SRFBP1: variants seen among roughly 807,000 people sequenced by gnomAD.
The protein encoded by SRFBP1 is serum response factor binding protein 1, also known as serum response factor-binding protein 1.
Under a neutral mutation model 45.5 loss-of-function variants are expected in SRFBP1, and 47 were observed. The observed-to-expected ratio is 1.03, with a 90% CI of 0.82 to 1.32. SRFBP1 has a LOEUF of 1.32. SRFBP1 is among the 40% of genes most tolerant of loss of function. SRFBP1 has a pLI of 0.00. For synonymous variants in SRFBP1, 203 were observed against 166.3 expected (o/e 1.22, Z -1.70); for missense variants, 621 against 484.6 (o/e 1.28, Z -2.64).
intron 4 of SRFBP1, among the ~76,000 whole-genome samples, chr5:122,003,347 A>G (rs1039852753): frequency 1.3e-4 from 15 of 111,400 alleles, no homozygotes; most frequent in African/African-American, 8.1e-4. Flanking sequence ...TGTCTCAGAG[A>G]AAAAAAAAAA....
intron 2 of SRFBP1, among the ~76,000 whole-genome samples, chr5:122,034,572 AT>A (rs1357114367): frequency 6.6e-6 from 1 of 151,414 alleles, no homozygotes; most frequent in African/African-American, 2.4e-5. Flanking sequence ...TTCTCTTCCT[AT>A]TTTTAGTTGC....
chr5:121,967,475 G>C (rs1046813156), intron 1 of SRFBP1, among the ~76,000 whole-genome samples: 4 of 152,080 alleles, frequency 2.6e-5, no homozygotes, highest in Non-Finnish European at 5.9e-5. Flanking sequence ...TTGCTCATCA[G>C]AAATAAAAAG....
chr5:122,034,305 ATATT>A lies in SRFBP1; in HGVS notation n.311+11903_311+11906del, dbSNP rs1452037891. Reference sequence around the variant, plus strand: ...CAGATTATTTTATGCTGTAATTATTATATTTATTACATTTAGTCTGTTTTTCGTT... The same window carrying A: ...CAGATTATTTTATGCTGTAATTATTATATTACATTTAGTCTGTTTTTCGTT... On this transcript the variant is annotated intron_variant and non_coding_transcript_variant, in intron 2 of 2. Transcript: ENST00000504881. 2.0e-5 allele frequency among the ~76,000 whole-genome samples: 3 copies of A among 150,612 alleles called. No individual in the cohort carries two copies. In the East Asian group the frequency reaches 6.4e-4, roughly 32 times the overall value.
At chr5:121,981,357 G>A (rs1183891621) in intron 3 of SRFBP1, among the ~76,000 whole-genome samples, 1 of 151,938 alleles carries the variant, frequency 6.6e-6, no homozygotes, top group Non-Finnish European at 1.5e-5. Context: ...AAATGAGCAC[G>A]TTTAAAAACA....
intron 4 of SRFBP1, among the ~76,000 whole-genome samples, chr5:122,009,629 A>G (rs1190170596): frequency 6.6e-6 from 1 of 152,168 alleles, no homozygotes; most frequent in Non-Finnish European, 1.5e-5. Flanking sequence ...GAGTAGGGTG[A>G]CCACAAATAG....
At chr5:121,967,428 G>C (rs1410218217) in intron 1 of SRFBP1, among the ~76,000 whole-genome samples, 1 of 152,122 alleles carries the variant, frequency 6.6e-6, no homozygotes, top group Non-Finnish European at 1.5e-5. Context: ...TTAAATCGTA[G>C]ATAATCACTA....
At chr5:122,068,463 T>C (rs1385001578) in intron 2 of SRFBP1, among the ~76,000 whole-genome samples, 1 of 152,138 alleles carries the variant, frequency 6.6e-6, no homozygotes, top group African/African-American at 2.4e-5. Flanking sequence ...TCATGAAACT[T>C]CTCATATTGT....
intron 4 of SRFBP1, among the ~76,000 whole-genome samples, chr5:121,998,342 A>C (rs1159801624): frequency 2.0e-5 from 3 of 149,776 alleles, no homozygotes; most frequent in Admixed American, 6.7e-5. Flanking sequence ...GCCATAAAAA[A>C]TGATGAGTTC....
chr5:121,981,416 T>C (rs1224575166), intron 3 of SRFBP1, among the ~76,000 whole-genome samples: 1 of 152,050 alleles, frequency 6.6e-6, no homozygotes, highest in Admixed American at 6.6e-5. Context: ...CTTCAAATCA[T>C]GTTCTGCACT....
chr5:122,039,035 C>T (rs1031822887), intron 2 of SRFBP1, among the ~76,000 whole-genome samples: 2 of 152,114 alleles, frequency 1.3e-5, no homozygotes, highest in African/African-American at 4.8e-5. Flanking sequence ...GTACTTCCTT[C>T]CAGATAGCAA....
intron 4 of SRFBP1, among the ~76,000 whole-genome samples, chr5:122,014,463 C>T (rs148412033): frequency 6.6e-6 from 1 of 151,904 alleles, no homozygotes; most frequent in Non-Finnish European, 1.5e-5. Context: ...TGGCCCTTTT[C>T]GAATCAGTCT....
intron 4 of SRFBP1, among the ~76,000 whole-genome samples, chr5:122,004,726 C>A (rs906560143): frequency 5.3e-5 from 8 of 151,834 alleles, no homozygotes; most frequent in Non-Finnish European, 8.8e-5. Context: ...TTTTCTAATT[C>A]TTTGAGGTGT....
intron 2 of SRFBP1, among the ~76,000 whole-genome samples, chr5:122,045,800 A>C (rs1753845325): frequency 6.6e-6 from 1 of 152,188 alleles, no homozygotes; most frequent in Non-Finnish European, 1.5e-5. Flanking sequence ...GTCATCTGCA[A>C]ACAGAAATAT....
At chr5:121,979,316 C>T (rs1052251489) in intron 3 of SRFBP1, among the ~76,000 whole-genome samples, 5 of 152,052 alleles carry the variant, frequency 3.3e-5, no homozygotes, top group African/African-American at 1.2e-4. Context: ...TGTGATATTT[C>T]TGGTTATATA....
chr5:122,012,625 T>C (rs1753119173), intron 4 of SRFBP1, among the ~76,000 whole-genome samples: 1 of 152,116 alleles, frequency 6.6e-6, no homozygotes, highest in South Asian at 2.1e-4. Context: ...TAAAAATAGC[T>C]GGCAGCTAAA....
rs1258491724 is a variant in SRFBP1 at position 122,013,740 on chromosome 5, T to TCA, written c.271-5520_271-5519insCA. On this transcript the variant is annotated intron_variant, in intron 4 of 7. Transcript: ENST00000339397. ...GGATTACAAAGAACAAAAAGTCTGC[T>TCA]AACATTCTGCATGGGAAAACTGCCT... 3.3e-5 allele frequency among the ~76,000 whole-genome samples: 5 copies of TCA among 152,274 alleles called. No individual in the cohort carries two copies. In the South Asian group the frequency reaches 1.0e-3, roughly 32 times the overall value.
chr5:122,065,133 C>T (rs1181705830), intron 2 of SRFBP1: 1 of 152,048 alleles, frequency 6.6e-6, no homozygotes, highest in Non-Finnish European at 1.5e-5. Context: ...TACTGGTAAG[C>T]TTGTGCCCTG....
At position 121,962,373 on chromosome 5, in the gene SRFBP1, G is replaced by A. The variant is rs78711797; in HGVS notation, c.36+305G>A. ...GGAACTCAAGATAGTTCGTCCCAGG[G>A]TTGTGAGATTAACTGAGATACGTAA... On this transcript the variant is annotated intron_variant, in intron 1 of 7. Transcript: ENST00000339397. Among the ~76,000 whole-genome samples, 1,294 of 152,310 alleles carry A rather than the reference G, an allele frequency of 8.5e-3. 5 individuals carry two copies. The highest frequency in any genetic ancestry group is 0.013 in the Non-Finnish European group (916 of 68,032).
chr5:121,971,521 C>T (rs1238943253), intron 1 of SRFBP1, among the ~76,000 whole-genome samples: 5 of 151,836 alleles, frequency 3.3e-5, no homozygotes, highest in Non-Finnish European at 7.4e-5. Flanking sequence ...TGATTTTGAG[C>T]GCACTCAGAA....
Sources: gnomAD v4.1 joint callset for allele counts (sites outside exome capture counted in the v4.1 genomes callset) on GRCh38, gnomAD v4.1.1 for gene constraint, MANE v1.5 for transcripts, NCBI Gene and HGNC (gene_info 2026-07-23, HGNC 2026-07-21) for gene names.